The following TMEM67 variants were observed in gnomAD, a reference collection of about 807,000 sequenced individuals.
TMEM67 encodes the protein meckelin.
A neutral mutation model predicts 136.6 loss-of-function variants in TMEM67; 124 were observed. The observed-to-expected ratio is 0.91, with a 90% CI of 0.78 to 1.05. The LOEUF is 1.05. Among genes scored for constraint, TMEM67 ranks in the 50% least tolerant of loss-of-function variants. The pLI is 0.00. For synonymous variants in TMEM67, 364 were observed against 390.5 expected, an observed-to-expected ratio of 0.93 and a Z score of 0.80; for missense variants, 1,107 against 1,178.4, an observed-to-expected ratio of 0.94 and a Z score of 0.89.
chr8:93,809,976 T>C (rs1314586632), intron 26 of TMEM67, 89 bp downstream of exon 26: 14 of 810,284 alleles, frequency 1.7e-5, no homozygotes, highest in African/African-American at 7.1e-5. Flanking sequence ...TTTTTCTTTT[T>C]TTTTTTTTTT....
At chr8:93,779,350 AC>A (rs1432627771) in intron 7 of TMEM67, among the ~76,000 whole-genome samples, 1 of 152,058 alleles carries the variant, frequency 6.6e-6, no homozygotes, top group African/African-American at 2.4e-5. Context: ...TCTGAAGCGT[AC>A]TTCTGTCAGT....
Position 93,803,633 on chromosome 8 carries a change from A to C in TMEM67, c.2271A>C (p.Arg757Ser). The change falls in exon 22 of 28, where the codon AGA becomes AGC. Residue 757 changes from arginine to serine, a missense_variant. Transcript: ENST00000453321. ...QVVFFAVFYE[R>S]FIEDKIRQFV... ...TGTTCTTTGCTGTCTTTTATGAGAGATTTATAGAAGATAAAATTCGACAGT... is the reference window on the plus strand; with the variant it reads ...TGTTCTTTGCTGTCTTTTATGAGAGCTTTATAGAAGATAAAATTCGACAGT... 1 of 1,604,558 alleles carries C rather than the reference A, an allele frequency of 6.2e-7. No homozygotes were observed. Among genetic ancestry groups the C allele is most frequent in the African/African-American group, 1.3e-5 (1 of 74,850 alleles).
intron 21 of TMEM67, among the ~76,000 whole-genome samples, chr8:93,802,174 A>G (rs905875201): frequency 4.6e-5 from 7 of 152,104 alleles, no homozygotes; most frequent in African/African-American, 1.7e-4. Context: ...TACTGTCAGG[A>G]CCCAGAAGCC....
chr8:93,772,715 A>G (rs1438678427), intron 7 of TMEM67, 64 bp downstream of exon 7: 3 of 1,261,482 alleles, frequency 2.4e-6, no homozygotes, highest in East Asian at 2.5e-5. Context: ...TTATTTACCC[A>G]GATAATAAAA....
Position 93,785,231 on chromosome 8 carries a change from C to A in TMEM67, c.1141C>A (p.Pro381Thr). The change falls in exon 12 of 28, where the codon CCT (proline) becomes ACT (threonine). Residue 381 changes from proline (P) to threonine (T), a missense_variant. Physicochemically the swap from Pro to Thr is conservative, Grantham distance 38. Transcript: ENST00000453321. ...GTTYQQNCEI[P>T]ISKILIDFPT... The stretch of plus-strand genomic sequence containing the variant: ...TAATTTTACTTTTCAGTGTGAGATT[C>A]CTATCTCTAAGATCTTAATTGACTT... 6.3e-7 allele frequency: 1 copy of A among 1,576,720 alleles called. No individual in the cohort carries two copies. Among genetic ancestry groups the A allele is most frequent in the Non-Finnish European group, 8.7e-7 (1 of 1,147,932 alleles).
intron 7 of TMEM67, among the ~76,000 whole-genome samples, chr8:93,774,575 T>C (rs1053246509): frequency 1.3e-5 from 2 of 152,164 alleles, no homozygotes; most frequent in African/African-American, 4.8e-5. Context: ...AGTGTTCTCG[T>C]TGAATTCCCA....
the TMEM67 span, among the ~76,000 whole-genome samples, chr8:93,830,591 C>A: frequency 6.6e-6 from 1 of 152,150 alleles, no homozygotes. Context: ...GAACTGATTG[C>A]TTGTTTGGTG....
chr8:93,797,854 T>G (rs1054679661), intron 20 of TMEM67, among the ~76,000 whole-genome samples: 2 of 152,130 alleles, frequency 1.3e-5, no homozygotes, highest in African/African-American at 2.4e-5. Context: ...TGGCGGCACA[T>G]GCCTATAATC....
chr8:93,808,821 A>G lies in TMEM67; in HGVS notation c.2440-19A>G, dbSNP rs1376678119. Reference sequence around the variant, plus strand: ...TTTTTTATAATTTTGATCTTAACTTAAATTCTTTAACTTTTCAGGAAAATT... The same window carrying G: ...TTTTTTATAATTTTGATCTTAACTTGAATTCTTTAACTTTTCAGGAAAATT... On this transcript the variant is annotated intron_variant, in intron 23 of 27. Transcript: ENST00000453321. The G allele has an allele frequency of 6.6e-7, 1 of 1,503,874 alleles. No individual in the cohort carries two copies. 93.2% of individuals were successfully genotyped at this position (1,503,874 alleles called of 1,614,324 possible). A position where few individuals can be genotyped will look rare whatever the true frequency, so the allele number is the denominator to read the frequency against.
At chr8:93,828,260 TAAAAG>T in the TMEM67 span, among the ~76,000 whole-genome samples, 7 of 152,132 alleles carry the variant, frequency 4.6e-5, no homozygotes, top group Non-Finnish European at 1.0e-4. Flanking sequence ...TCCTACCTCT[TAAAAG>T]AACATGTAGC....
Position 93,808,936 on chromosome 8 carries a change from AT to A in TMEM67, c.2538del (p.His847MetfsTer4). On this transcript the variant is annotated frameshift_variant, in exon 24 of 28. Transcript: ENST00000453321. LOFTEE classifies it high-confidence loss of function. ...CCAGATGAGACAACATTATGACAGA[AT>A]TCATGAGACACTAATAAGGGTTTGT... is the stretch of plus-strand genomic sequence containing the variant. ...SNQMRQHYDRIHETLIRKNGP... is the reference protein window; with the variant it reads ...SNQMRQHYDRXHETLIRKNGP... The A allele has an allele frequency of 6.2e-7, 1 of 1,607,526 alleles. No individual in the cohort carries two copies. The highest frequency in any genetic ancestry group is 1.7e-4 in the Middle Eastern group (1 of 6,048).
chr8:93,799,264 G>T (rs1213370248), intron 20 of TMEM67, among the ~76,000 whole-genome samples: 1 of 152,128 alleles, frequency 6.6e-6, no homozygotes, highest in East Asian at 1.9e-4. Flanking sequence ...CCTGGCACAT[G>T]TCAAATACTC....
chr8:93,763,596 A>G (rs905036808), intron 3 of TMEM67, among the ~76,000 whole-genome samples: 1 of 152,116 alleles, frequency 6.6e-6, no homozygotes, highest in Non-Finnish European at 1.5e-5. Context: ...GATTTTCTAT[A>G]TTTTACTATG....
At chr8:93,804,365 A>G (rs1230999041) in intron 22 of TMEM67, among the ~76,000 whole-genome samples, 3 of 121,532 alleles carry the variant, frequency 2.5e-5, no homozygotes, top group African/African-American at 9.7e-5. Flanking sequence ...CCCAGGCTGG[A>G]CTACAGTCGT....
intron 23 of TMEM67, among the ~76,000 whole-genome samples, 172 bp from the exon 24 acceptor site, chr8:93,808,665 CTGG>C (rs1808562453): frequency 1.3e-5 from 2 of 150,300 alleles, no homozygotes; most frequent in Non-Finnish European, 3.0e-5. Flanking sequence ...TTAGCAAAAT[CTGG>C]GAACCTTGGA....
intron 18 of TMEM67, among the ~76,000 whole-genome samples, chr8:93,796,188 A>G (rs1424657887): frequency 1.3e-5 from 2 of 152,154 alleles, no homozygotes; most frequent in African/African-American, 4.8e-5. Context: ...TATTTTTTTC[A>G]AAGAAGCCAT....
chr8:93,762,138 C>T (rs1340780819), intron 3 of TMEM67: 1 of 152,026 alleles, frequency 6.6e-6, no homozygotes, highest in African/African-American at 2.4e-5. Flanking sequence ...GCCTGTAGTC[C>T]CAGCTACTTG....
At chr8:93,821,940 T>G (rs1021693777), downstream of TMEM67, among the ~76,000 whole-genome samples, 2 of 152,226 alleles carry the variant, frequency 1.3e-5, no homozygotes, top group African/African-American at 4.8e-5. Context: ...AATAAAAGAT[T>G]GGTAAATTGG....
downstream of TMEM67, among the ~76,000 whole-genome samples, chr8:93,820,055 CTG>C (rs1586107523): frequency 6.6e-6 from 1 of 152,148 alleles, no homozygotes; most frequent in East Asian, 1.9e-4. Flanking sequence ...TTAGAGCACA[CTG>C]AAATTATTCC....
Sources: allele counts gnomAD v4.1 joint callset (sites outside exome capture counted in the v4.1 genomes callset), GRCh38; gene constraint gnomAD v4.1.1; transcripts MANE v1.5; gene names NCBI Gene and HGNC (gene_info 2026-07-23, HGNC 2026-07-21).